PRX: variants seen among roughly 807,000 people sequenced by gnomAD.
The protein encoded by PRX is periaxin.
In PRX, 24 loss-of-function variants were observed where a neutral mutation model predicts 29.6. That is an observed-to-expected ratio of 0.81 (90% CI 0.59 to 1.14). PRX has a LOEUF of 1.14. Ranked by LOEUF, PRX falls within the 50% of genes most tolerant of loss-of-function variation. The pLI is 0.00. For missense variants in PRX, 1,838 were observed against 1,926.4 expected (o/e 0.95, Z 0.86); for synonymous variants, 772 against 831.7 (o/e 0.93, Z 1.24).
Position 40,393,830 on chromosome 19 carries a change from G to T in PRX, c.*136C>A, listed in dbSNP as rs2079401538. On this transcript the variant is annotated 3_prime_UTR_variant, in exon 7 of 7. Transcript: ENST00000324001. ...TACAGGCACTCCTGCCAGAGAGACA[G>T]GAGCAGGCCTCCCTGCCAGCCCTGG... is the stretch of plus-strand genomic sequence containing the variant. 1 of 1,346,618 alleles carries T rather than the reference G, an allele frequency of 7.4e-7. No individual in the cohort carries two copies. The highest frequency in any genetic ancestry group is 1.0e-6 in the Non-Finnish European group (1 of 969,908). The allele number at this position is 1,346,618 out of a possible 1,614,324, so 83.4% of individuals were successfully genotyped here. A position where few individuals can be genotyped will look rare whatever the true frequency, so the allele number is the denominator to read the frequency against.
chr19:40,395,868 T>C lies in PRX; in HGVS notation c.2484A>G (p.Ser828=). The C allele has an allele frequency of 6.8e-6, 11 of 1,614,162 alleles. No individual in the cohort carries two copies. Among genetic ancestry groups the C allele is most frequent in the Non-Finnish European group, 9.3e-6 (11 of 1,180,032 alleles). ...GKPGEAGAEV[S]GKLVTLPCLQ... is the part of the protein sequence containing the mutation. Reference sequence around the variant, plus strand: ...GACAGGGAAGTGTTACCAGCTTCCCTGAGACCTCAGCACCCGCCTCGCCTG... The same window carrying C: ...GACAGGGAAGTGTTACCAGCTTCCCCGAGACCTCAGCACCCGCCTCGCCTG... Residue 828 remains serine, a synonymous_variant, in exon 7 of 7, where the codon TCA becomes TCG. Coordinates refer to ENST00000324001, the MANE Select transcript of PRX (RefSeq NM_181882.3).
chr19:40,404,469 G>C (rs2079519244), intron 4 of PRX, among the ~76,000 whole-genome samples: 1 of 152,058 alleles, frequency 6.6e-6, no homozygotes, highest in Non-Finnish European at 1.5e-5. Flanking sequence ...ACACAGGCCT[G>C]AGAGGAAGAG....
chr19:40,404,757 G>C (rs1052369297), intron 4 of PRX, among the ~76,000 whole-genome samples: 2 of 151,630 alleles, frequency 1.3e-5, no homozygotes, highest in Admixed American at 1.3e-4. Context: ...TTTTTTTTAA[G>C]AGACAGGGGT....
rs1234486373 is a variant in PRX at position 40,393,953 on chromosome 19, C to G, written c.*13G>C. 1 of 1,610,184 alleles carries G rather than the reference C, an allele frequency of 6.2e-7. No homozygotes were observed. Among genetic ancestry groups the G allele is most frequent in the Admixed American group, 1.7e-5 (1 of 60,004 alleles). On this transcript the variant is annotated 3_prime_UTR_variant, in exon 7 of 7. Coordinates refer to ENST00000324001, the MANE Select transcript of PRX (RefSeq NM_181882.3). ...AAGGAAGGCAAGAAGGGATCCCCAT[C>G]TGACTAGGGGCTTCAGACAGCCGCA...
At position 40,395,749 on chromosome 19, in the gene PRX, T is replaced by C. The variant is rs1340773932; in HGVS notation, c.2603A>G (p.Gln868Arg). The C allele has an allele frequency of 1.2e-6, 2 of 1,611,858 alleles. No individual in the cohort carries two copies. The highest frequency in any genetic ancestry group is 1.7e-6 in the Non-Finnish European group (2 of 1,179,898). The part of the protein sequence containing the change: ...ELDLPGALGL[Q>R]GQVPAAKMGK... Reference sequence around the variant, plus strand: ...CATTTTAGCGGCTGGGACCTGCCCCTGCAGGCCAAGTGCTCCTGGCAGGTC... The same window carrying C: ...CATTTTAGCGGCTGGGACCTGCCCCCGCAGGCCAAGTGCTCCTGGCAGGTC... Residue 868 changes from glutamine (Q) to arginine (R), a missense_variant, in exon 7 of 7, where the codon CAG becomes CGG. This residue lies in a region of PRX where 1,143 missense variants were observed against 1,193.0 expected (regional missense o/e 0.96). Coordinates refer to ENST00000324001, the MANE Select transcript of PRX (RefSeq NM_181882.3).
At position 40,396,349 on chromosome 19, in the gene PRX, G is replaced by C. The variant is rs1001903172; in HGVS notation, c.2003C>G (p.Pro668Arg). The C allele has an allele frequency of 1.9e-6, 3 of 1,612,472 alleles. No individual in the cohort carries two copies. The highest frequency in any genetic ancestry group is 1.7e-6 in the Non-Finnish European group (2 of 1,179,802). ...QLPKVPEMKL[P>R]KMPEMAVPEV... Reference sequence around the variant, plus strand: ...TGGCACAGCCATCTCAGGCATTTTAGGGAGTTTCATCTCTGGGACTTTCGG... The same window carrying C: ...TGGCACAGCCATCTCAGGCATTTTACGGAGTTTCATCTCTGGGACTTTCGG... Residue 668 changes from proline to arginine, a missense_variant, in exon 7 of 7, where the codon CCT (proline) becomes CGT (arginine). Physicochemically the swap from Pro to Arg is moderately radical, Grantham distance 103. Coordinates refer to ENST00000324001, the MANE Select transcript of PRX (RefSeq NM_181882.3).
In PRX at chr19:40,408,077, A is replaced by G. The variant is rs937388248; in HGVS notation, c.-99-46T>C. 15 of 1,055,442 alleles carry G rather than the reference A, an allele frequency of 1.4e-5. No individual in the cohort carries two copies. The Admixed American group carries it at 1.8e-4, about 12-fold the overall frequency. 65.4% of individuals were successfully genotyped at this position (1,055,442 alleles called of 1,614,324 possible). On this transcript the variant is annotated intron_variant, in intron 3 of 6. Coordinates refer to ENST00000324001, the MANE Select transcript of PRX (RefSeq NM_181882.3). ...AGGCTTGAGGCCAGTAGGGGACGAG[A>G]GGTGGAGGCCATGCTTACAGGGAGA...
At chr19:40,411,064 G>A (rs1473638352) in intron 1 of PRX, among the ~76,000 whole-genome samples, 4 of 152,174 alleles carry the variant, frequency 2.6e-5, no homozygotes, top group African/African-American at 9.7e-5. Flanking sequence ...CACCCTAGAT[G>A]TTGTGGCTGT....
intron 6 of PRX, 23 bp from the exon 7 acceptor site, chr19:40,397,993 G>C (rs749799117): frequency 1.3e-6 from 2 of 1,594,574 alleles, no homozygotes; most frequent in South Asian, 2.3e-5. Flanking sequence ...GAGAGAGGCA[G>C]GAGGCGGTGG....
chr19:40,413,498 A>G (rs1182015848), upstream of PRX: 2 of 152,132 alleles, frequency 1.3e-5, no homozygotes, highest in Non-Finnish European at 2.9e-5. Flanking sequence ...AGAAACAAAC[A>G]TCCCCCTCCT....
chr19:40,394,345 A>G lies in PRX; in HGVS notation c.4007T>C (p.Val1336Ala). Residue 1336 changes from valine to alanine, a missense_variant, in exon 7 of 7, where the codon GTG becomes GCG. This residue lies in a region of PRX where 1,143 missense variants were observed against 1,193.0 expected (regional missense o/e 0.96). Coordinates refer to ENST00000324001, the MANE Select transcript of PRX (RefSeq NM_181882.3). This position sits in a 1 kb window ranked among gnomAD's most constrained non-coding sequence, Gnocchi z 5.8. ...GACCATCTCACTTTGGCTGAAGCCC[A>G]CTCGGGGCAGCCTGAGTTTGGGGCT... The part of the protein sequence containing the change: ...AKSPKLRLPR[V>A]GFSQSEMVTG... The G allele has an allele frequency of 2.5e-6, 4 of 1,606,058 alleles. No individual in the cohort carries two copies. Among genetic ancestry groups the G allele is most frequent in the Non-Finnish European group, 3.4e-6 (4 of 1,176,220 alleles).
Position 40,398,784 on chromosome 19 carries a change from C to T in PRX, c.217G>A (p.Glu73Lys), listed in dbSNP as rs1568710739. ...AGTGCGTCCTCGTACTTGAAGTTCT[C>T]GAAGAACACTCGGGCACTCAGCAGC... ...DQLLSARVFFENFKYEDALRL... is the reference protein window; with the variant it reads ...DQLLSARVFFKNFKYEDALRL... The change falls in exon 6 of 7, where the codon GAG (glutamate) becomes AAG (lysine). Residue 73 changes from glutamate (E) to lysine (K), a missense_variant. Transcript: ENST00000324001. The surrounding 1 kb of genome is among the most constrained non-coding windows in gnomAD (Gnocchi z 6.3). 1 of 1,614,054 alleles carries T rather than the reference C, an allele frequency of 6.2e-7. No homozygotes were observed. The highest frequency in any genetic ancestry group is 8.5e-7 in the Non-Finnish European group (1 of 1,179,966).
Position 40,398,923 on chromosome 19 carries a change from T to C in PRX, c.185-107A>G. Reference sequence around the variant, plus strand: ...CTCGCGGTGAGGACCCGCCCCAAATTTTAGTTTCTCCAATCCCCAGCGCAG... The same window carrying C: ...CTCGCGGTGAGGACCCGCCCCAAATCTTAGTTTCTCCAATCCCCAGCGCAG... On this transcript the variant is annotated intron_variant, in intron 5 of 6. Coordinates refer to ENST00000324001, the MANE Select transcript of PRX (RefSeq NM_181882.3). This position sits in a 1 kb window ranked among gnomAD's most constrained non-coding sequence, Gnocchi z 6.3. 3.2e-6 allele frequency: 5 copies of C among 1,563,712 alleles called. No homozygotes were observed. The South Asian group carries it at 5.8e-5, about 18-fold the overall frequency.
chr19:40,404,053 C>G (rs1453986291), intron 4 of PRX, among the ~76,000 whole-genome samples, 191 bp from the exon 5 acceptor site: 1 of 152,228 alleles, frequency 6.6e-6, no homozygotes, highest in African/African-American at 2.4e-5. Context: ...ATCCTCCCGC[C>G]TCGGCCTCCC....
At chr19:40,404,442 G>A (rs1166677334) in intron 4 of PRX, among the ~76,000 whole-genome samples, 1 of 151,742 alleles carries the variant, frequency 6.6e-6, no homozygotes, top group South Asian at 2.1e-4. Flanking sequence ...GTTGGTGCGG[G>A]TAGGAGGGGT....
chr19:40,393,884 G>A lies in PRX; in HGVS notation c.*82C>T. ...GTCACCCACCTCCCGGCCCTCTTAGGGTTAGTGCTAGTTATCACACACACA... is the reference window on the plus strand; with the variant it reads ...GTCACCCACCTCCCGGCCCTCTTAGAGTTAGTGCTAGTTATCACACACACA... On this transcript the variant is annotated 3_prime_UTR_variant, in exon 7 of 7. Transcript: ENST00000324001. 1.3e-6 allele frequency: 2 copies of A among 1,594,878 alleles called. No individual in the cohort carries two copies. The highest frequency in any genetic ancestry group is 2.2e-5 in the East Asian group (1 of 44,844).
At position 40,398,184 on chromosome 19, in the gene PRX, G is replaced by A. The variant is rs887354590; in HGVS notation, c.382-214C>T. Reference sequence around the variant, plus strand: ...GATCTCCAAATGAGTCAACAGGAGTGTAGGGACGGGGACCCAAGACTTCTA... The same window carrying A: ...GATCTCCAAATGAGTCAACAGGAGTATAGGGACGGGGACCCAAGACTTCTA... On this transcript the variant is annotated intron_variant, in intron 6 of 6. Transcript: ENST00000324001. This position sits in a 1 kb window ranked among gnomAD's most constrained non-coding sequence, Gnocchi z 6.3. 1.3e-5 allele frequency: 19 copies of A among 1,425,378 alleles called. No homozygotes were observed. The Admixed American group carries it at 3.5e-4, about 26-fold the overall frequency. The allele number at this position is 1,425,378 out of a possible 1,614,324, so 88.3% of individuals were successfully genotyped here. A position where few individuals can be genotyped will look rare whatever the true frequency, so the allele number is the denominator to read the frequency against.
chr19:40,407,607 G>C, intron 4 of PRX: 1 of 550,546 alleles, frequency 1.8e-6, no homozygotes, highest in East Asian at 3.1e-5. Flanking sequence ...GGCATATGCT[G>C]CCTCTTCTGA....
upstream of PRX, among the ~76,000 whole-genome samples, chr19:40,414,707 C>T (rs371259541): frequency 2.2e-4 from 33 of 152,230 alleles, no homozygotes; most frequent in Middle Eastern, 3.4e-3. Context: ...CACCAGACCC[C>T]GGGGGGCGGC....
Sources: allele counts gnomAD v4.1 joint callset (sites outside exome capture counted in the v4.1 genomes callset), GRCh38; gene constraint gnomAD v4.1.1; regional missense constraint gnomAD v4.1.1; non-coding constraint Gnocchi (gnomAD v3.1); transcripts MANE v1.5; gene names NCBI Gene and HGNC (gene_info 2026-07-23, HGNC 2026-07-21).